Variants in ATP6V1G1 observed in about 807,000 individuals in gnomAD.
ATP6V1G1 encodes V-type proton ATPase subunit G 1.
Under a neutral mutation model 14.2 loss-of-function variants are expected in ATP6V1G1, and 14 were observed. That is an observed-to-expected ratio of 0.99 (90% CI 0.65 to 1.55). The LOEUF (loss-of-function observed/expected upper bound fraction) is 1.55, where lower values mean the gene tolerates loss of function less well. Among genes scored for constraint, ATP6V1G1 ranks in the 40% most tolerant of loss-of-function variants. The pLI, the probability that ATP6V1G1 is intolerant of heterozygous loss-of-function variation, is 0.00. For missense variants in ATP6V1G1, 137 were observed against 146.4 expected (o/e 0.94, Z 0.33); for synonymous variants, 65 against 53.3 (o/e 1.22, Z -0.96).
chr9:114,595,029 T>G (rs1332122498), intron 2 of ATP6V1G1, among the ~76,000 whole-genome samples: 1 of 151,126 alleles, frequency 6.6e-6, no homozygotes, highest in Non-Finnish European at 1.5e-5. Context: ...CTGGCAGTTT[T>G]TTTTTTTTTT....
At position 114,597,619 on chromosome 9, in the gene ATP6V1G1, A is replaced by G. The variant is rs145627791; in HGVS notation, c.233A>G (p.Gln78Arg). Residue 78 changes from glutamine to arginine, a missense_variant, in exon 3 of 3, where the codon CAG becomes CGG. Coordinates refer to ENST00000374050, the MANE Select transcript of ATP6V1G1 (RefSeq NM_004888.4). ...AGCACTGAAGTGGAGAAGGAGACCC[A>G]GGAGAAGATGACCATCCTCCAGACA... Reference protein sequence around the residue: ...SCSTEVEKETQEKMTILQTYF... With the variant: ...SCSTEVEKETREKMTILQTYF... 2.1e-4 allele frequency: 339 copies of G among 1,581,728 alleles called. No individual in the cohort carries two copies. Among genetic ancestry groups the G allele is most frequent in the Admixed American group, 3.2e-4 (17 of 53,336 alleles).
In ATP6V1G1 at chr9:114,591,357, A is replaced by C. The variant is rs370534334; in HGVS notation, c.83-1195A>C. Among the ~76,000 whole-genome samples the C allele has an allele frequency of 1.4e-4, 22 of 152,292 alleles. No individual in the cohort carries two copies. In the East Asian group the frequency reaches 3.1e-3, roughly 21 times the overall value. ...GGTGATGTCTTGTGAAATCATGCGG[A>C]GCTACTGCATAATGTTCAGGCCATG... On this transcript the variant is annotated intron_variant, in intron 1 of 2. Coordinates refer to ENST00000374050, the MANE Select transcript of ATP6V1G1 (RefSeq NM_004888.4).
intron 2 of ATP6V1G1, among the ~76,000 whole-genome samples, chr9:114,594,366 G>C (rs1421090591): frequency 6.6e-6 from 1 of 150,824 alleles, no homozygotes; most frequent in African/African-American, 2.4e-5. Flanking sequence ...ACCGCGCCCA[G>C]CGCCCCCCGC....
At chr9:114,588,107 C>A in intron 1 of ATP6V1G1, 187 bp downstream of exon 1, 2 of 638,188 alleles carry the variant, frequency 3.1e-6, no homozygotes, top group Non-Finnish European at 5.4e-6. Flanking sequence ...CTGGAAGCCA[C>A]GATGTGAGAT....
intron 2 of ATP6V1G1, among the ~76,000 whole-genome samples, chr9:114,594,532 C>T (rs537772663): frequency 1.7e-4 from 26 of 151,914 alleles, no homozygotes; most frequent in African/African-American, 4.3e-4. Flanking sequence ...TGCAGGTGTG[C>T]GCCACCATGC....
chr9:114,588,036 G>A, intron 1 of ATP6V1G1, 116 bp downstream of exon 1: 1 of 1,143,198 alleles, frequency 8.7e-7, no homozygotes, highest in Non-Finnish European at 1.2e-6. Context: ...GCGTATAGTC[G>A]CGGAAGGTTG....
At chr9:114,597,175 A>G (rs1009394963) in intron 2 of ATP6V1G1, among the ~76,000 whole-genome samples, 7 of 151,682 alleles carry the variant, frequency 4.6e-5, no homozygotes, top group Non-Finnish European at 8.8e-5. Flanking sequence ...TATTTTTAGT[A>G]GAGACGGGGT....
chr9:114,588,679 T>C (rs1355189748), intron 1 of ATP6V1G1, among the ~76,000 whole-genome samples: 3 of 151,958 alleles, frequency 2.0e-5, no homozygotes, highest in African/African-American at 4.8e-5. Flanking sequence ...AGTGGAGAAA[T>C]GTAAGGTTGC....
rs1174936914 is a variant in ATP6V1G1 at position 114,587,940 on chromosome 9, T to A, written c.82+20T>A. ...GCAAAAGTGAGTTTCAGGGTGGGGC[T>A]GCCCGGCGTGGCGCGAGTCGAAGAA... On this transcript the variant is annotated intron_variant, in intron 1 of 2. Transcript: ENST00000374050. 1 of 1,558,474 alleles carries A rather than the reference T, an allele frequency of 6.4e-7. No individual in the cohort carries two copies. The highest frequency in any genetic ancestry group is 2.4e-5 in the East Asian group (1 of 41,838).
rs1424538452 is a variant in ATP6V1G1 at position 114,598,812 on chromosome 9, CATT to C, written c.*1072_*1074del. Among the ~76,000 whole-genome samples the C allele has an allele frequency of 1.3e-5, 2 of 152,028 alleles. No individual in the cohort carries two copies. The highest frequency in any genetic ancestry group is 2.9e-5 in the Non-Finnish European group (2 of 68,014). ...TTATAGGTAAAAACAGTTGAAAGAA[CATT>C]ATGGGATTTCCTTGCTTGTTCTGAT... On this transcript the variant is annotated 3_prime_UTR_variant, in exon 3 of 3. Coordinates refer to ENST00000374050, the MANE Select transcript of ATP6V1G1 (RefSeq NM_004888.4).
At chr9:114,595,218 A>G (rs1845225908) in intron 2 of ATP6V1G1, among the ~76,000 whole-genome samples, 2 of 152,110 alleles carry the variant, frequency 1.3e-5, no homozygotes, top group South Asian at 4.1e-4. Context: ...TTAGTTTTTG[A>G]GACAACTTAG....
intron 1 of ATP6V1G1, among the ~76,000 whole-genome samples, chr9:114,591,692 G>A (rs79252421): frequency 0.035 from 5,390 of 152,192 alleles, 322 homozygotes; most frequent in African/African-American, 0.12. Flanking sequence ...ACTCATTCGC[G>A]TGGACTCTAG....
intron 1 of ATP6V1G1, among the ~76,000 whole-genome samples, chr9:114,590,260 A>ATTT (rs71492788): frequency 3.1e-5 from 4 of 129,554 alleles, no homozygotes; most frequent in South Asian, 2.5e-4. Flanking sequence ...TACTTCTCAG[A>ATTT]TTTTTTTTTT....
At chr9:114,591,830 G>A (rs548980166) in intron 1 of ATP6V1G1, among the ~76,000 whole-genome samples, 20 of 151,564 alleles carry the variant, frequency 1.3e-4, no homozygotes, top group Admixed American at 2.6e-4. Flanking sequence ...ATTGGTGAGC[G>A]GAGACTCAAA....
chr9:114,597,452 GTA>G, intron 2 of ATP6V1G1, 116 bp from the exon 3 acceptor site: 1 of 1,054,396 alleles, frequency 9.5e-7, no homozygotes, highest in South Asian at 2.8e-5. Context: ...CAGCTTCTGA[GTA>G]TACTGATAGG....
chr9:114,594,178 T>G (rs1280606577), intron 2 of ATP6V1G1, among the ~76,000 whole-genome samples: 1 of 151,856 alleles, frequency 6.6e-6, no homozygotes, highest in African/African-American at 2.4e-5. Flanking sequence ...CTAGCGATTC[T>G]TCCACCTCAA....
intron 2 of ATP6V1G1, among the ~76,000 whole-genome samples, chr9:114,596,870 C>T (rs568329990): frequency 3.9e-4 from 60 of 152,108 alleles, no homozygotes; most frequent in Admixed American, 1.4e-3. Context: ...CTTGCTTTTC[C>T]CCCTCCTTAA....
At position 114,587,808 on chromosome 9, in the gene ATP6V1G1, C is replaced by T. The variant is rs537657900; in HGVS notation, c.-31C>T. ...AAGGGGCCTTCGAGGTGCCTTAGGC[C>T]GCTTGCCTTGCTCTCAGAATCGCTG... On this transcript the variant is annotated 5_prime_UTR_variant, in exon 1 of 3. Transcript: ENST00000374050. The T allele has an allele frequency of 5.8e-6, 9 of 1,564,932 alleles. No individual in the cohort carries two copies. The highest frequency in any genetic ancestry group is 1.9e-5 in the Admixed American group (1 of 52,284).
chr9:114,592,174 T>G (rs1845188787), intron 1 of ATP6V1G1, among the ~76,000 whole-genome samples: 1 of 152,244 alleles, frequency 6.6e-6, no homozygotes, highest in Non-Finnish European at 1.5e-5. Context: ...GGTTGCACCT[T>G]TAATCAGCAG....
Sources: allele counts gnomAD v4.1 joint callset (sites outside exome capture counted in the v4.1 genomes callset), GRCh38; gene constraint gnomAD v4.1.1; transcripts MANE v1.5; gene names NCBI Gene and HGNC (gene_info 2026-07-23, HGNC 2026-07-21).